The following KCNMA1 variants were observed in gnomAD, a reference collection of about 807,000 sequenced individuals.
The protein encoded by KCNMA1 is potassium calcium-activated channel subfamily M alpha 1, also known as Calcium-activated potassium channel subunit alpha-1.
KCNMA1 carries 29 observed loss-of-function variants against 140.0 expected under a neutral mutation model. The observed-to-expected ratio is 0.21, with a 90% CI of 0.15 to 0.28. The LOEUF (loss-of-function observed/expected upper bound fraction) is 0.28. Among genes scored for constraint, KCNMA1 ranks in the 10% least tolerant of loss-of-function variants. KCNMA1 has a pLI of 1.00. For synonymous variants in KCNMA1, 612 were observed against 611.9 expected (o/e 1.00, Z 0.00); for missense variants, 880 against 1,602.2 (o/e 0.55, Z 7.70).
At chr10:77,220,494 T>C (rs1461669675) in intron 3 of KCNMA1, among the ~76,000 whole-genome samples, 1 of 152,222 alleles carries the variant, frequency 6.6e-6, no homozygotes, top group Non-Finnish European at 1.5e-5. Context: ...TTCCTTGTCA[T>C]TTATTTTTTA....
chr10:77,524,965 C>T (rs557109511), intron 1 of KCNMA1, among the ~76,000 whole-genome samples: 4 of 152,292 alleles, frequency 2.6e-5, no homozygotes, highest in Admixed American at 6.5e-5. Context: ...CAGGCTAAGC[C>T]GCTGTCACTG....
chr10:77,383,030 T>TATATATATATATATATA (rs1566451029), intron 2 of KCNMA1, among the ~76,000 whole-genome samples: 4 of 103,014 alleles, frequency 3.9e-5, no homozygotes, highest in African/African-American at 1.6e-4. Context: ...ATATATATAT[T>TATATATATATATATATA]CCAAGTGGAG....
At chr10:76,883,001 A>G (rs747961299), downstream of KCNMA1, among the ~76,000 whole-genome samples, 1 of 152,190 alleles carries the variant, frequency 6.6e-6, no homozygotes, top group African/African-American at 2.4e-5. Context: ...TGGCAGGTTG[A>G]TTTAATTGTC....
intron 2 of KCNMA1, among the ~76,000 whole-genome samples, chr10:77,266,035 A>G (rs1457545745): frequency 6.6e-6 from 1 of 150,634 alleles, no homozygotes; most frequent in East Asian, 2.0e-4. Flanking sequence ...GAGCTGAGAT[A>G]GCACCACTGC....
intron 1 of KCNMA1, among the ~76,000 whole-genome samples, chr10:77,517,207 C>T (rs1352454080): frequency 3.3e-5 from 5 of 152,130 alleles, no homozygotes; most frequent in Non-Finnish European, 7.4e-5. Flanking sequence ...TGAAGAGCTG[C>T]CTGACCTCAT....
At chr10:77,368,259 C>T (rs568677141) in intron 2 of KCNMA1, among the ~76,000 whole-genome samples, 1 of 152,314 alleles carries the variant, frequency 6.6e-6, no homozygotes, top group African/African-American at 2.4e-5. Context: ...CACATCTCAT[C>T]ATTGCTTACA....
rs916402205 is a variant in KCNMA1 at position 77,510,822 on chromosome 10, C to T, written c.379-106799G>A. Among the ~76,000 whole-genome samples the T allele has an allele frequency of 2.0e-5, 3 of 152,118 alleles. No individual in the cohort carries two copies. The East Asian group carries it at 5.8e-4, about 29-fold the overall frequency. On this transcript the variant is annotated intron_variant, in intron 1 of 27. Transcript: ENST00000286628. ...TTTAGAAAAATAAAAAAGGAGAAAC[C>T]TATGTTTCTGAAACATATTGACCAC...
intron 2 of KCNMA1, among the ~76,000 whole-genome samples, chr10:77,353,556 A>C (rs1208486769): frequency 6.6e-6 from 1 of 151,990 alleles, no homozygotes; most frequent in Non-Finnish European, 1.5e-5. Context: ...TGCTTACTAG[A>C]TGCTGTTACA....
intron 1 of KCNMA1, among the ~76,000 whole-genome samples, chr10:77,464,130 A>G (rs11594665): frequency 0.15 from 22,559 of 152,112 alleles, 2,054 homozygotes; most frequent in Non-Finnish European, 0.21. Flanking sequence ...TGGTCCAGCT[A>G]TTGCTATCAA....
At chr10:77,195,567 C>G (rs888386956) in intron 3 of KCNMA1, among the ~76,000 whole-genome samples, 2 of 151,284 alleles carry the variant, frequency 1.3e-5, no homozygotes, top group African/African-American at 4.9e-5. Flanking sequence ...ATTTCTTTTC[C>G]TTTTTTTTTC....
chr10:77,363,911 G>A (rs2094167133), intron 2 of KCNMA1, among the ~76,000 whole-genome samples: 2 of 152,088 alleles, frequency 1.3e-5, no homozygotes, highest in Admixed American at 1.3e-4. Context: ...AAATGGACTT[G>A]TCAATATGCA....
chr10:77,367,687 T>C (rs552651465), intron 2 of KCNMA1, among the ~76,000 whole-genome samples: 3 of 152,348 alleles, frequency 2.0e-5, no homozygotes, highest in East Asian at 1.9e-4. Context: ...AAAAACTATC[T>C]TGCATTATCC....
At chr10:77,487,474 G>C (rs1775837925) in intron 1 of KCNMA1, among the ~76,000 whole-genome samples, 1 of 152,168 alleles carries the variant, frequency 6.6e-6, no homozygotes, top group Non-Finnish European at 1.5e-5. Context: ...AAAAGAGAGA[G>C]AGAGACACTA....
chr10:77,172,945 T>G (rs2098721287), intron 5 of KCNMA1, among the ~76,000 whole-genome samples: 1 of 152,070 alleles, frequency 6.6e-6, no homozygotes, highest in South Asian at 2.1e-4. Context: ...CCCAAGGGCT[T>G]CTTTCATAAG....
chr10:76,949,382 G>T lies in KCNMA1; in HGVS notation c.2485-16C>A. The T allele has an allele frequency of 2.5e-6, 4 of 1,602,832 alleles. No homozygotes were observed. Among genetic ancestry groups the T allele is most frequent in the Non-Finnish European group, 3.4e-6 (4 of 1,170,726 alleles). ...CACTTCGAGTCTACAACAGGGAGAA[G>T]TGGGTAAGAGTCAGAGAGAAGACTG... On this transcript the variant is annotated splice_polypyrimidine_tract_variant and intron_variant, in intron 21 of 27. Coordinates refer to ENST00000286628, the MANE Select transcript of KCNMA1 (RefSeq NM_001161352.2).
chr10:77,290,206 G>C (rs1021968670), intron 2 of KCNMA1, among the ~76,000 whole-genome samples: 3 of 152,112 alleles, frequency 2.0e-5, no homozygotes, highest in Admixed American at 6.5e-5. Context: ...CCATGAATTG[G>C]GTTGTCTCTA....
At chr10:77,176,403 G>T (rs371616263) in intron 5 of KCNMA1, among the ~76,000 whole-genome samples, 1 of 152,112 alleles carries the variant, frequency 6.6e-6, no homozygotes, top group Non-Finnish European at 1.5e-5. Context: ...AGTAAGTTGC[G>T]TAAGAACAAC....
chr10:77,427,720 CATTTATTTATTTATTT>C (rs771995453), intron 1 of KCNMA1, among the ~76,000 whole-genome samples: 7 of 68,018 alleles, frequency 1.0e-4, no homozygotes, highest in South Asian at 1.1e-3. Context: ...TCCATCCATT[CATTTATTTATTTATTT>C]ATTTATTTAT....
At position 77,346,554 on chromosome 10, in the gene KCNMA1, T is replaced by A. The variant is rs191795020; in HGVS notation, c.540+57308A>T. ...ATTCAAATGCACTCTCTCATTTTCC[T>A]GTAATACACTGGGTTTCTTCCCCCA... On this transcript the variant is annotated intron_variant, in intron 2 of 27. Transcript: ENST00000286628. 2.0e-5 allele frequency among the ~76,000 whole-genome samples: 3 copies of A among 152,358 alleles called. No individual in the cohort carries two copies. The East Asian group carries it at 5.8e-4, about 29-fold the overall frequency.
Sources: gnomAD v4.1 joint callset for allele counts (sites outside exome capture counted in the v4.1 genomes callset) on GRCh38, gnomAD v4.1.1 for gene constraint, MANE v1.5 for transcripts, NCBI Gene and HGNC (gene_info 2026-07-23, HGNC 2026-07-21) for gene names.